Variants in TRANK1 observed in about 807,000 individuals in gnomAD.
TRANK1 encodes TPR and ankyrin repeat-containing protein 1.
In TRANK1, 198 loss-of-function variants were observed where a neutral mutation model predicts 266.0. The ratio of observed to expected loss-of-function variants is 0.74; its 90% CI spans 0.66 to 0.84. TRANK1 has a LOEUF of 0.84. Among genes scored for constraint, TRANK1 ranks in the 40% least tolerant of loss-of-function variants. The pLI is 0.00. For missense variants in TRANK1, 3,326 were observed against 3,634.6 expected (o/e 0.92, Z 2.18); for synonymous variants, 1,396 against 1,384.1 (o/e 1.01, Z -0.19).
At chr3:36,855,145 A>G (rs1461996102) in intron 13 of TRANK1, 28 bp downstream of exon 13, 2 of 1,576,948 alleles carry the variant, frequency 1.3e-6, no homozygotes, top group Non-Finnish European at 1.7e-6. Context: ...AAGCACCCCC[A>G]GTAGGCAAAC....
At chr3:36,836,387 T>C (rs2078770793) in intron 20 of TRANK1, among the ~76,000 whole-genome samples, 1 of 152,178 alleles carries the variant, frequency 6.6e-6, no homozygotes, top group Non-Finnish European at 1.5e-5. Flanking sequence ...CACTCAGGAA[T>C]ACATGGCTGT....
chr3:36,844,039 A>T (rs1005462300), intron 17 of TRANK1, among the ~76,000 whole-genome samples: 1 of 152,208 alleles, frequency 6.6e-6, no homozygotes, highest in Non-Finnish European at 1.5e-5. Flanking sequence ...TCCAAACACA[A>T]TGGGAACAGA....
intron 1 of TRANK1, among the ~76,000 whole-genome samples, chr3:36,932,456 G>A (rs1188415742): frequency 8.5e-5 from 13 of 152,078 alleles, no homozygotes; most frequent in African/African-American, 2.7e-4. Context: ...CCAGCTACTC[G>A]GGAGCCTAAG....
At chr3:36,874,441 C>T in intron 8 of TRANK1, 145 bp from the exon 9 acceptor site, 1 of 813,668 alleles carries the variant, frequency 1.2e-6, no homozygotes, top group South Asian at 2.0e-5. Context: ...GCACTGCTAG[C>T]CTCAGGTAGT....
chr3:36,938,087 C>G (rs1244682275), intron 1 of TRANK1, among the ~76,000 whole-genome samples: 1 of 152,238 alleles, frequency 6.6e-6, no homozygotes, highest in Non-Finnish European at 1.5e-5. Flanking sequence ...TGGGGAGGGT[C>G]TGGAGGTGTC....
chr3:36,901,320 T>C (rs1198316230), intron 3 of TRANK1, among the ~76,000 whole-genome samples: 4 of 152,162 alleles, frequency 2.6e-5, no homozygotes, highest in Admixed American at 1.3e-4. Context: ...TTTATGGCCA[T>C]GAAGAAGAGA....
chr3:36,860,840 G>A (rs2079131777), intron 11 of TRANK1, 66 bp downstream of exon 11: 14 of 1,517,080 alleles, frequency 9.2e-6, no homozygotes, highest in Non-Finnish European at 1.1e-5. Context: ...GGCAGGCAGT[G>A]GCCTGGACTC....
chr3:36,852,397 T>G, intron 13 of TRANK1, 52 bp from the exon 14 acceptor site: 3 of 1,477,106 alleles, frequency 2.0e-6, no homozygotes, highest in Non-Finnish European at 2.7e-6. Context: ...TGGCTGAGTT[T>G]TTTGGTTATT....
Position 36,944,971 on chromosome 3 carries a change from G to C in TRANK1, c.-162C>G. The C allele has an allele frequency of 1.6e-6, 1 of 629,166 alleles. No individual in the cohort carries two copies. Among genetic ancestry groups the C allele is most frequent in the East Asian group, 3.5e-5 (1 of 28,300 alleles). 39.0% of individuals were successfully genotyped at this position (629,166 alleles called of 1,614,324 possible). ...GTTCGGGGGCCCCCAGCTGCCTGCG[G>C]CTCGGCTACCCAGCCGCGATCAGAG... On this transcript the variant is annotated 5_prime_UTR_variant, in exon 1 of 24. Transcript: ENST00000645898.
chr3:36,944,609 C>T (rs1000777196), intron 1 of TRANK1, among the ~76,000 whole-genome samples, 178 bp downstream of exon 1: 1 of 152,272 alleles, frequency 6.6e-6, no homozygotes, highest in Middle Eastern at 3.4e-3. Context: ...CGACCGACCC[C>T]GCGCAACTGG....
intron 15 of TRANK1, chr3:36,851,001 G>A (rs1213778428): frequency 1.1e-5 from 11 of 985,458 alleles, no homozygotes; most frequent in South Asian, 9.4e-5. Flanking sequence ...AAAAGATAGT[G>A]GGAAAGAGAA....
At chr3:36,897,299 C>T (rs113968242) in intron 4 of TRANK1, among the ~76,000 whole-genome samples, 1,689 of 152,014 alleles carry the variant, frequency 0.011, 31 homozygotes, top group African/African-American at 0.039. Flanking sequence ...AGCAAGACAC[C>T]GTCTCAAAAA....
Position 36,895,523 on chromosome 3 carries a change from A to C in TRANK1, c.552+117T>G, listed in dbSNP as rs922531736. 3 of 612,106 alleles carry C rather than the reference A, an allele frequency of 4.9e-6. No individual in the cohort carries two copies. In the African/African-American group the frequency reaches 5.6e-5, roughly 11 times the overall value. The allele number at this position is 612,106 out of a possible 1,614,324, so 37.9% of individuals were successfully genotyped here. On this transcript the variant is annotated intron_variant, in intron 5 of 23. Coordinates refer to ENST00000645898, the MANE Select transcript of TRANK1 (RefSeq NM_001329998.2). ...CATCTTTAATGATATCCTAGTTAAA[A>C]ATTTACCCTGGCATCAAGATCAACA...
Position 36,828,238 on chromosome 3 carries a change from T to C in TRANK1, c.*37A>G, listed in dbSNP as rs2078652001. On this transcript the variant is annotated 3_prime_UTR_variant, in exon 24 of 24. Coordinates refer to ENST00000645898, the MANE Select transcript of TRANK1 (RefSeq NM_001329998.2). ...CTCAGAATTCTAAGTCAGAATGGAA[T>C]GTTCCGAAGGATGAGGAGGCTGCAG... 6.8e-7 allele frequency: 1 copy of C among 1,466,332 alleles called. No homozygotes were observed. The allele number at this position is 1,466,332 out of a possible 1,614,324, so 90.8% of individuals were successfully genotyped here. A position where few individuals can be genotyped will look rare whatever the true frequency, so the allele number is the denominator to read the frequency against.
Position 36,856,854 on chromosome 3 carries a change from C to A in TRANK1, c.2868G>T (p.Lys956Asn). Residue 956 changes from lysine to asparagine, a missense_variant, in exon 13 of 24, where the codon AAG becomes AAT. By Grantham distance (94) the Lys-to-Asn change is moderately conservative. Transcript: ENST00000645898. ...CCCGGTTGTAGGCATTGCAGATGGC[C>A]TTGATGGAATCAGCCAGTTTGCAGT... is the stretch of plus-strand genomic sequence containing the variant. ...LDHCKLADSI[K>N]AICNAYNRGL... 6.2e-7 allele frequency: 1 copy of A among 1,614,054 alleles called. No individual in the cohort carries two copies. Among genetic ancestry groups the A allele is most frequent in the Non-Finnish European group, 8.5e-7 (1 of 1,179,902 alleles).
intron 1 of TRANK1, among the ~76,000 whole-genome samples, chr3:36,936,685 T>A (rs2080430012): frequency 6.6e-6 from 1 of 152,082 alleles, no homozygotes; most frequent in South Asian, 2.1e-4. Flanking sequence ...CGAGGAAGGA[T>A]GAGCTGAGAG....
At chr3:36,914,420 C>T (rs1430517887) in intron 1 of TRANK1, among the ~76,000 whole-genome samples, 1 of 149,664 alleles carries the variant, frequency 6.7e-6, no homozygotes, top group Non-Finnish European at 1.5e-5. Context: ...GGATTACAGA[C>T]ATGAGCCACT....
At chr3:36,863,682 T>A (rs897572952) in intron 10 of TRANK1, among the ~76,000 whole-genome samples, 1 of 152,098 alleles carries the variant, frequency 6.6e-6, no homozygotes, top group Non-Finnish European at 1.5e-5. Flanking sequence ...CTTAAAGAGG[T>A]TAATTAATTG....
At chr3:36,910,742 A>AAAAAT (rs772886082) in intron 1 of TRANK1, among the ~76,000 whole-genome samples, 4 of 150,970 alleles carry the variant, frequency 2.6e-5, no homozygotes, top group Admixed American at 6.6e-5. Context: ...TCTATCTCCA[A>AAAAAT]AAAATAAAAT....
Sources: gnomAD v4.1 joint callset for allele counts (sites outside exome capture counted in the v4.1 genomes callset) on GRCh38, gnomAD v4.1.1 for gene constraint, MANE v1.5 for transcripts, NCBI Gene and HGNC (gene_info 2026-07-23, HGNC 2026-07-21) for gene names.